The following DCAF8L2 variants were observed in gnomAD, a reference collection of about 807,000 sequenced individuals.
DCAF8L2 encodes the protein DDB1 and CUL4 associated factor 8 like 2.
For synonymous variants in DCAF8L2, 200 were observed against 190.9 expected (o/e 1.05, Z -0.39); for missense variants, 430 against 490.7 (o/e 0.88, Z 1.17).
chrX:27,690,184 C>CT (rs1930662426), intron 3 of DCAF8L2, among the ~76,000 whole-genome samples: 1 of 110,897 alleles, frequency 9.0e-6, no homozygotes, highest in African/African-American at 3.3e-5. Flanking sequence ...TACATTTTTA[C>CT]TTTTTTACCA....
the DCAF8L2 span, among the ~76,000 whole-genome samples, chrX:27,532,615 G>A: frequency 1.8e-5 from 2 of 110,546 alleles, no homozygotes; most frequent in Admixed American, 1.9e-4. Flanking sequence ...ATCAATGAAG[G>A]AGCCAGGTGC....
intron 3 of DCAF8L2, among the ~76,000 whole-genome samples, chrX:27,702,116 T>C (rs1477817257): frequency 5.4e-5 from 6 of 110,664 alleles, no homozygotes; most frequent in African/African-American, 9.8e-5. Flanking sequence ...TTTGATGAAA[T>C]AGACAGCTTT....
chrX:27,540,772 T>G, the DCAF8L2 span, among the ~76,000 whole-genome samples: 1 of 112,217 alleles, frequency 8.9e-6, no homozygotes, highest in African/African-American at 3.2e-5. Flanking sequence ...ATGGATATAC[T>G]AATTACCTTG....
At chrX:27,519,108 G>A in the DCAF8L2 span, 1 of 1,082,438 alleles carries the variant, frequency 9.2e-7, no homozygotes. Flanking sequence ...AGAAGCAGTT[G>A]GAAAGGGCAC....
At chrX:27,718,966 G>A (rs748419147) in intron 4 of DCAF8L2, among the ~76,000 whole-genome samples, 2 of 111,490 alleles carry the variant, frequency 1.8e-5, no homozygotes, top group African/African-American at 6.5e-5. Flanking sequence ...CATAAAACAG[G>A]CACGCATATA....
At chrX:27,733,189 A>T (rs1245777016) in intron 4 of DCAF8L2, among the ~76,000 whole-genome samples, 1 of 110,783 alleles carries the variant, frequency 9.0e-6, no homozygotes, top group African/African-American at 3.3e-5. Context: ...CCTCAACAAC[A>T]CTTGTTATCT....
the DCAF8L2 span, among the ~76,000 whole-genome samples, chrX:27,553,933 G>A: frequency 9.4e-6 from 1 of 106,221 alleles, no homozygotes. Context: ...TGGTTGAACA[G>A]AATGCACTAG....
chrX:27,506,825 A>G, the DCAF8L2 span, among the ~76,000 whole-genome samples: 1 of 111,424 alleles, frequency 9.0e-6, no homozygotes, highest in African/African-American at 3.3e-5. Context: ...CACTTGTTAT[A>G]TTGGATTAAG....
chrX:27,611,593 G>A (rs79451882), intron 1 of DCAF8L2, among the ~76,000 whole-genome samples: 7 of 104,144 alleles, frequency 6.7e-5, no homozygotes, highest in South Asian at 9.8e-4. Context: ...TCCTTCCCCC[G>A]TCCCCCCACC....
At chrX:27,553,233 T>G in the DCAF8L2 span, among the ~76,000 whole-genome samples, 1 of 111,482 alleles carries the variant, frequency 9.0e-6, no homozygotes, top group Non-Finnish European at 1.9e-5. Flanking sequence ...CTATGGCTGT[T>G]GGATGGAATA....
the DCAF8L2 span, among the ~76,000 whole-genome samples, chrX:27,502,334 AAATATATATATATATAT>A: frequency 9.6e-4 from 24 of 24,961 alleles, 1 homozygote; most frequent in African/African-American, 4.3e-3. Flanking sequence ...AAAAAAAAAA[AAATATATATATATATAT>A]ATATATATAT....
rs368376110 is a variant in DCAF8L2, at chrX:27,748,122, G to T, written c.1227G>T (p.Lys409Asn). 6 of 1,210,264 alleles carry T rather than the reference G, an allele frequency of 5.0e-6. No homozygotes were observed. In the African/African-American group the frequency reaches 1.0e-4, roughly 21 times the overall value. ...IDKKENNGVLKKFTPHHLVNC... is the reference protein window; with the variant it reads ...IDKKENNGVLNKFTPHHLVNC... ...AGAAAGAAAACAATGGCGTGCTCAA[G>T]AAATTCACTCCTCATCATCTGGTTA... Residue 409 changes from lysine to asparagine, a missense_variant, in exon 5 of 5, where the codon AAG (lysine) becomes AAT (asparagine). Transcript: ENST00000451261.
intron 1 of DCAF8L2, among the ~76,000 whole-genome samples, chrX:27,614,222 T>A (rs1927342302): frequency 9.0e-6 from 1 of 111,273 alleles, no homozygotes; most frequent in South Asian, 3.9e-4. Context: ...TCTTCTAGAT[T>A]TTCTAGTTTA....
At chrX:27,579,433 G>A in the DCAF8L2 span, among the ~76,000 whole-genome samples, 46 of 110,159 alleles carry the variant, frequency 4.2e-4, no homozygotes, top group African/African-American at 1.5e-3. Context: ...GAGAGTATCA[G>A]GATAAATAGC....
At chrX:27,601,174 G>A (rs1398062553) in intron 1 of DCAF8L2, among the ~76,000 whole-genome samples, 3 of 111,367 alleles carry the variant, frequency 2.7e-5, no homozygotes, top group Non-Finnish European at 5.6e-5. Flanking sequence ...TTTTAACGTG[G>A]TACTTGCTTA....
chrX:27,484,934 A>G, the DCAF8L2 span, among the ~76,000 whole-genome samples: 1 of 111,927 alleles, frequency 8.9e-6, no homozygotes, highest in Non-Finnish European at 1.9e-5. Flanking sequence ...AGTTTGAGTT[A>G]TATCTTTACA....
intron 3 of DCAF8L2, among the ~76,000 whole-genome samples, chrX:27,706,530 A>G (rs898409315): frequency 6.3e-5 from 7 of 111,756 alleles, no homozygotes; most frequent in African/African-American, 2.3e-4. Context: ...ACATGAAAAG[A>G]TGCTCAACAT....
intron 1 of DCAF8L2, among the ~76,000 whole-genome samples, chrX:27,601,174 G>T (rs1398062553): frequency 1.8e-5 from 2 of 111,367 alleles, no homozygotes; most frequent in Non-Finnish European, 3.8e-5. Context: ...TTTTAACGTG[G>T]TACTTGCTTA....
chrX:27,533,238 A>AAGAAAGAAAGAAAG, the DCAF8L2 span, among the ~76,000 whole-genome samples: 5 of 84,391 alleles, frequency 5.9e-5, no homozygotes, highest in Non-Finnish European at 1.2e-4. Context: ...AAGAAAGAGA[A>AAGAAAGAAAGAAAG]AGAAAGAAAG....
Sources: gnomAD v4.1 joint callset for allele counts (sites outside exome capture counted in the v4.1 genomes callset) on GRCh38, gnomAD v4.1.1 for gene constraint, MANE v1.5 for transcripts, NCBI Gene and HGNC (gene_info 2026-07-23, HGNC 2026-07-21) for gene names.